TUT4: variants seen among roughly 807,000 people sequenced by gnomAD.
TUT4 encodes the protein terminal uridylyltransferase 4.
In TUT4, 36 loss-of-function variants were observed where a neutral mutation model predicts 192.2. The observed-to-expected ratio is 0.19, with a 90% CI of 0.14 to 0.25. The LOEUF (loss-of-function observed/expected upper bound fraction) is 0.25. TUT4 is among the 10% of genes least tolerant of loss of function. The pLI is 1.00. For missense variants in TUT4, 1,493 were observed against 1,957.2 expected (o/e 0.76, Z 4.47); for synonymous variants, 618 against 666.0 (o/e 0.93, Z 1.11).
chr1:52,461,125 C>G lies in TUT4; in HGVS notation c.3321+9G>C. ...GAACAAAGCAGATCATTAATTTTTTCATAAATACCTTAGCAAACACTTTCA... is the reference window on the plus strand; with the variant it reads ...GAACAAAGCAGATCATTAATTTTTTGATAAATACCTTAGCAAACACTTTCA... On this transcript the variant is annotated intron_variant, in intron 19 of 29. Transcript: ENST00000257177. 6.4e-7 allele frequency: 1 copy of G among 1,554,126 alleles called. No homozygotes were observed. Among genetic ancestry groups the G allele is most frequent in the Non-Finnish European group, 8.7e-7 (1 of 1,148,592 alleles).
intron 12 of TUT4, among the ~76,000 whole-genome samples, chr1:52,476,394 A>G (rs1419698159): frequency 6.6e-6 from 1 of 152,196 alleles, no homozygotes; most frequent in Non-Finnish European, 1.5e-5. Flanking sequence ...ACACAGCTGC[A>G]TCCTTATTAT....
At chr1:52,519,811 G>T (rs947568896) in intron 2 of TUT4, among the ~76,000 whole-genome samples, 1 of 152,020 alleles carries the variant, frequency 6.6e-6, no homozygotes, top group Non-Finnish European at 1.5e-5. Flanking sequence ...ACCTGGCCTT[G>T]AATACTTAGA....
At chr1:52,444,783 C>T (rs1459944112) in intron 24 of TUT4, among the ~76,000 whole-genome samples, 1 of 151,258 alleles carries the variant, frequency 6.6e-6, no homozygotes, top group Non-Finnish European at 1.5e-5. Context: ...TGTCGGACTC[C>T]AAGTTCTTCA....
At chr1:52,509,931 C>T (rs17107263) in intron 3 of TUT4, among the ~76,000 whole-genome samples, 1,585 of 152,196 alleles carry the variant, frequency 0.01, 26 homozygotes, top group African/African-American at 0.036. Context: ...AGATTACATA[C>T]TAACTTTAAT....
chr1:52,505,766 G>C (rs1323413444), intron 4 of TUT4, among the ~76,000 whole-genome samples: 1 of 151,908 alleles, frequency 6.6e-6, no homozygotes. Flanking sequence ...CGCTTTTTCA[G>C]CATCTACTGA....
At chr1:52,504,191 T>C (rs750368314) in intron 4 of TUT4, among the ~76,000 whole-genome samples, 88 of 152,190 alleles carry the variant, frequency 5.8e-4, no homozygotes, top group Non-Finnish European at 1.1e-3. Flanking sequence ...GAATCTCTCT[T>C]AAAACTCAAT....
chr1:52,426,302 G>C (rs977238725), intron 28 of TUT4, among the ~76,000 whole-genome samples: 3 of 152,262 alleles, frequency 2.0e-5, no homozygotes, highest in Non-Finnish European at 4.4e-5. Flanking sequence ...ACAAGAGCTA[G>C]CATATAGGTA....
chr1:52,462,722 C>A (rs1369863176), intron 16 of TUT4: 1 of 983,860 alleles, frequency 1.0e-6, no homozygotes, highest in Non-Finnish European at 1.2e-6. Flanking sequence ...AAGAAAGATA[C>A]TCCTATTATC....
intron 9 of TUT4, among the ~76,000 whole-genome samples, chr1:52,482,872 T>C (rs1415004602): frequency 6.6e-6 from 1 of 152,246 alleles, no homozygotes; most frequent in Non-Finnish European, 1.5e-5. Flanking sequence ...TCCTTATACA[T>C]GTTTCCTAAG....
At chr1:52,466,069 C>T (rs919757840) in intron 15 of TUT4, among the ~76,000 whole-genome samples, 1 of 152,110 alleles carries the variant, frequency 6.6e-6, no homozygotes, top group Non-Finnish European at 1.5e-5. Context: ...CTAAAGTAGA[C>T]TACACATTTA....
intron 7 of TUT4, among the ~76,000 whole-genome samples, chr1:52,492,315 C>A (rs1045980661): frequency 2.0e-5 from 3 of 152,026 alleles, no homozygotes; most frequent in Non-Finnish European, 4.4e-5. Context: ...ATTTAGAATT[C>A]ATATTAAAGC....
chr1:52,473,192 C>A (rs1666234524), intron 13 of TUT4, among the ~76,000 whole-genome samples: 1 of 151,878 alleles, frequency 6.6e-6, no homozygotes, highest in Non-Finnish European at 1.5e-5. Context: ...AGTGCATGTG[C>A]CTTAAATACT....
At chr1:52,493,813 GTTTTT>G in intron 6 of TUT4, 151 bp from the exon 7 acceptor site, 1 of 555,600 alleles carries the variant, frequency 1.8e-6, no homozygotes, top group Non-Finnish European at 3.2e-6. Context: ...TTTTTTTTTT[GTTTTT>G]TTTTGAGATG....
intron 1 of TUT4, among the ~76,000 whole-genome samples, chr1:52,545,882 G>A (rs1439259702): frequency 6.6e-6 from 1 of 151,406 alleles, no homozygotes; most frequent in East Asian, 1.9e-4. Context: ...AGCAGTTTGG[G>A]AGGCCGAGGC....
At chr1:52,435,492 C>T (rs938690698) in intron 26 of TUT4, 27 bp from the exon 27 acceptor site, 1 of 1,562,788 alleles carries the variant, frequency 6.4e-7, no homozygotes, top group Admixed American at 1.7e-5. Context: ...CAAAGAAAAT[C>T]AACAGATAAG....
chr1:52,479,262 T>C (rs1308764782), intron 11 of TUT4, among the ~76,000 whole-genome samples: 1 of 152,022 alleles, frequency 6.6e-6, no homozygotes, highest in Admixed American at 6.5e-5. Context: ...CTAAATGAAA[T>C]GAGGAACAAC....
chr1:52,431,121 G>A lies in TUT4; in HGVS notation c.4603C>T (p.Gln1535Ter). The change falls in exon 28 of 30, where the codon CAG becomes TAG. Residue 1535 changes from glutamine to a stop codon, truncating the protein, a stop_gained. Transcript: ENST00000257177. LOFTEE classifies it high-confidence loss of function. The part of the protein sequence containing the change: ...GLNDPSIIFA[Q>*]PAARPVAIPN... ...ATTGCCACAGGTCTGGCAGCAGGCT[G>A]TGCAAAGATGATGCTGGGATCATTT... The A allele has an allele frequency of 6.2e-7, 1 of 1,614,262 alleles. No homozygotes were observed. Among genetic ancestry groups the A allele is most frequent in the Non-Finnish European group, 8.5e-7 (1 of 1,180,040 alleles).
At chr1:52,493,467 GTGTA>G in intron 7 of TUT4, 140 bp downstream of exon 7, 1 of 579,236 alleles carries the variant, frequency 1.7e-6, no homozygotes, top group South Asian at 1.9e-5. Context: ...AAACAAGTGT[GTGTA>G]TGTATCTCCA....
rs753481573 is a variant in TUT4 at position 52,475,214 on chromosome 1, T to C, written c.2345A>G (p.Asn782Ser). The change falls in exon 13 of 30, where the codon AAT becomes AGT. Residue 782 changes from asparagine to serine, a missense_variant. This residue lies in a region of TUT4 where 245 missense variants were observed against 218.4 expected (regional missense o/e 1.12). Coordinates refer to ENST00000257177, the MANE Select transcript of TUT4 (RefSeq NM_001009881.3). ...AAAATCTAGTTCATTTACCAACAAA[T>C]TGTTGTTGTCAATAATACATCTCTG... ...TSQRCIIDNN[N>S]LLVNELDFAD... 3.7e-6 allele frequency: 6 copies of C among 1,614,100 alleles called. No individual in the cohort carries two copies. The highest frequency in any genetic ancestry group is 1.1e-5 in the South Asian group (1 of 91,078).
Sources: gnomAD v4.1 joint callset for allele counts (sites outside exome capture counted in the v4.1 genomes callset) on GRCh38, gnomAD v4.1.1 for gene constraint, gnomAD v4.1.1 regional missense constraint, MANE v1.5 for transcripts, NCBI Gene and HGNC (gene_info 2026-07-23, HGNC 2026-07-21) for gene names.